Variants in NYAP2 observed in about 807,000 individuals in gnomAD.
NYAP2 encodes the protein neuronal tyrosine-phosphorylated phosphoinositide-3-kinase adaptor 2.
A neutral mutation model predicts 50.4 loss-of-function variants in NYAP2; 23 were observed. The observed-to-expected ratio is 0.46, with a 90% CI of 0.33 to 0.65. The LOEUF (loss-of-function observed/expected upper bound fraction) is 0.65, where lower values mean the gene tolerates loss of function less well. Among genes scored for constraint, NYAP2 ranks in the 30% least tolerant of loss-of-function variants. The probability of loss-of-function intolerance (pLI) is 0.02; values close to 1 mark genes in which losing one functional copy is unlikely to be tolerated. For missense variants in NYAP2, 885 were observed against 861.0 expected (o/e 1.03, Z -0.35); for synonymous variants, 394 against 365.2 (o/e 1.08, Z -0.90).
Position 225,582,457 on chromosome 2 carries a change from C to T in NYAP2, c.1040C>T (p.Ser347Phe). Residue 347 changes from serine to phenylalanine, a missense_variant, in exon 5 of 7, where the codon TCC becomes TTC. Physicochemically the swap from Ser to Phe is radical, Grantham distance 155 (BLOSUM62 -2). Transcript: ENST00000636099. The surrounding 1 kb of genome is among the most constrained non-coding windows in gnomAD (Gnocchi z 7.0). ...TTTCCCCCCGCCCCCGTGCATTGCT[C>T]CCCCAACTCCGACGAGTCCCCGCTT... is the stretch of plus-strand genomic sequence containing the variant. 8.6e-7 allele frequency: 1 copy of T among 1,164,038 alleles called. No individual in the cohort carries two copies. The allele number at this position is 1,164,038 out of a possible 1,614,324, so 72.1% of individuals were successfully genotyped here.
chr2:225,647,812 C>A (rs936742106), intron 6 of NYAP2, among the ~76,000 whole-genome samples: 7 of 152,056 alleles, frequency 4.6e-5, no homozygotes, highest in Non-Finnish European at 4.4e-5. Context: ...TCACAGGATG[C>A]TTTTCAATAA....
chr2:225,450,589 T>G (rs1689634045), intron 3 of NYAP2, among the ~76,000 whole-genome samples: 1 of 152,242 alleles, frequency 6.6e-6, no homozygotes, highest in South Asian at 2.1e-4. Context: ...TTTTGGCACT[T>G]CTTAAAAATT....
intron 6 of NYAP2, among the ~76,000 whole-genome samples, chr2:225,644,373 T>G (rs1313768387): frequency 6.6e-6 from 1 of 151,194 alleles, no homozygotes; most frequent in East Asian, 2.0e-4. Flanking sequence ...TGCGAAAATT[T>G]TCTCCCATTT....
At chr2:225,691,418 A>T in the NYAP2 span, among the ~76,000 whole-genome samples, 1 of 152,176 alleles carries the variant, frequency 6.6e-6, no homozygotes, top group Admixed American at 6.6e-5. Flanking sequence ...CTATTTAAAA[A>T]TATAAAAACA....
At chr2:225,516,075 A>G (rs1690927721) in intron 4 of NYAP2, among the ~76,000 whole-genome samples, 1 of 152,184 alleles carries the variant, frequency 6.6e-6, no homozygotes. Context: ...TGGGCTACTT[A>G]GAGTGAAAGT....
At chr2:225,638,532 C>T (rs1339889133) in intron 6 of NYAP2, among the ~76,000 whole-genome samples, 1 of 152,028 alleles carries the variant, frequency 6.6e-6, no homozygotes, top group East Asian at 1.9e-4. Context: ...TGGCCTAGAC[C>T]ATGAGAGTGC....
At chr2:225,398,460 C>A (rs1189718658), upstream of NYAP2, among the ~76,000 whole-genome samples, 5 of 151,880 alleles carry the variant, frequency 3.3e-5, no homozygotes, top group Non-Finnish European at 5.9e-5. Flanking sequence ...CTTTTTCCAC[C>A]TTTGGTCATG....
At chr2:225,629,846 C>G (rs746097376) in intron 6 of NYAP2, among the ~76,000 whole-genome samples, 9 of 152,144 alleles carry the variant, frequency 5.9e-5, no homozygotes, top group Non-Finnish European at 1.3e-4. Flanking sequence ...CCAGACCCCT[C>G]CCACTAGGCC....
At chr2:225,629,351 G>T (rs1398984730) in intron 6 of NYAP2, among the ~76,000 whole-genome samples, 2 of 152,124 alleles carry the variant, frequency 1.3e-5, no homozygotes, top group African/African-American at 4.8e-5. Flanking sequence ...TCTTTACTTA[G>T]ACTAGTGATT....
chr2:225,514,573 G>A (rs760163634), intron 4 of NYAP2, among the ~76,000 whole-genome samples: 9 of 152,110 alleles, frequency 5.9e-5, no homozygotes, highest in Non-Finnish European at 1.0e-4. Flanking sequence ...TGGCCTCTTC[G>A]TAGGAGGATG....
intron 3 of NYAP2, among the ~76,000 whole-genome samples, chr2:225,431,265 C>T (rs998667639): frequency 1.3e-5 from 2 of 152,220 alleles, no homozygotes; most frequent in African/African-American, 2.4e-5. Flanking sequence ...TACGTGATCT[C>T]CATATGCTGC....
chr2:225,688,095 G>A, the NYAP2 span, among the ~76,000 whole-genome samples: 2 of 152,114 alleles, frequency 1.3e-5, no homozygotes, highest in Non-Finnish European at 1.5e-5. Flanking sequence ...AAGGCTTAGG[G>A]AGCATTGATT....
chr2:225,625,307 AAATT>A (rs1167893062), intron 5 of NYAP2, among the ~76,000 whole-genome samples: 4 of 152,190 alleles, frequency 2.6e-5, no homozygotes, highest in Non-Finnish European at 5.9e-5. Flanking sequence ...CAATATAAAT[AAATT>A]AATTAAATTA....
intron 3 of NYAP2, among the ~76,000 whole-genome samples, chr2:225,411,610 A>T (rs1205275607): frequency 2.1e-5 from 3 of 142,784 alleles, no homozygotes; most frequent in Non-Finnish European, 3.0e-5. Context: ...TAGAGATGAT[A>T]AAAAAAAAAC....
the NYAP2 span, chr2:225,702,052 T>C: frequency 2.0e-5 from 3 of 151,690 alleles, no homozygotes; most frequent in East Asian, 3.9e-4. Context: ...AGAAAAGAGC[T>C]TGTAAAATAA....
At chr2:225,498,721 G>A (rs1690550149) in intron 3 of NYAP2, among the ~76,000 whole-genome samples, 1 of 152,096 alleles carries the variant, frequency 6.6e-6, no homozygotes, top group African/African-American at 2.4e-5. Flanking sequence ...GTGAAATCTA[G>A]GTAGAAGAGG....
At chr2:225,434,585 A>G (rs1174438010) in intron 3 of NYAP2, among the ~76,000 whole-genome samples, 1 of 152,224 alleles carries the variant, frequency 6.6e-6, no homozygotes, top group Non-Finnish European at 1.5e-5. Context: ...TGGAACGTAT[A>G]GCATGAACTT....
chr2:225,559,146 TGCTGGTGATAATTCTAATTTCA>T (rs958925823), intron 4 of NYAP2, among the ~76,000 whole-genome samples: 1 of 152,126 alleles, frequency 6.6e-6, no homozygotes, highest in African/African-American at 2.4e-5. Context: ...TGGGAGGAAA[TGCTGGTGATAATTCTAATTTCA>T]GCTGCTCTTG....
chr2:225,596,510 G>A lies in NYAP2; in HGVS notation c.1618+13475G>A, dbSNP rs148826752. Among the ~76,000 whole-genome samples the A allele has an allele frequency of 2.5e-3, 385 of 152,260 alleles. 7 individuals are homozygous for A. The highest frequency in any genetic ancestry group is 9.0e-3 in the African/African-American group (373 of 41,556). ...CCCCAATTAAATGGTAAGTTTTTGA[G>A]GGCAGGGACAGTTTATATTTTTTGT... is the stretch of plus-strand genomic sequence containing the variant. On this transcript the variant is annotated intron_variant, in intron 5 of 6. Transcript: ENST00000636099.
Sources: gnomAD v4.1 joint callset for allele counts (sites outside exome capture counted in the v4.1 genomes callset) on GRCh38, gnomAD v4.1.1 for gene constraint, Gnocchi (gnomAD v3.1) non-coding constraint, MANE v1.5 for transcripts, NCBI Gene and HGNC (gene_info 2026-07-23, HGNC 2026-07-21) for gene names.